RGS7: variants seen among roughly 807,000 people sequenced by gnomAD.
RGS7 encodes the protein regulator of G protein signaling 7.
A neutral mutation model predicts 81.1 loss-of-function variants in RGS7; 27 were observed. That is an observed-to-expected ratio of 0.33 (90% CI 0.25 to 0.46). The LOEUF (loss-of-function observed/expected upper bound fraction) is 0.46, where lower values mean the gene tolerates loss of function less well. Ranked by LOEUF, RGS7 falls within the 20% of genes least tolerant of loss-of-function variation. RGS7 has a pLI of 1.00. For synonymous variants in RGS7, 208 were observed against 207.7 expected, an observed-to-expected ratio of 1.00 and a Z score of -0.01; for missense variants, 396 against 607.4, an observed-to-expected ratio of 0.65 and a Z score of 3.66.
chr1:241,115,716 T>C (rs567646367), intron 2 of RGS7, among the ~76,000 whole-genome samples: 6 of 152,314 alleles, frequency 3.9e-5, no homozygotes, highest in South Asian at 2.1e-4. Flanking sequence ...CTTGTCTTTC[T>C]AGTTGATGTT....
chr1:241,291,767 G>C (rs2079103877), intron 2 of RGS7, among the ~76,000 whole-genome samples: 1 of 151,746 alleles, frequency 6.6e-6, no homozygotes, highest in South Asian at 2.1e-4. Flanking sequence ...GTAGAGACAG[G>C]GTTTTGCCAT....
At chr1:241,318,778 TC>T (rs2148594863) in intron 2 of RGS7, among the ~76,000 whole-genome samples, 1 of 152,252 alleles carries the variant, frequency 6.6e-6, no homozygotes, top group African/African-American at 2.4e-5. Context: ...GCCCAGACTA[TC>T]CTGAGAATTT....
intron 3 of RGS7, among the ~76,000 whole-genome samples, chr1:241,019,710 C>T (rs1027640170): frequency 6.6e-6 from 1 of 152,184 alleles, no homozygotes; most frequent in Non-Finnish European, 1.5e-5. Context: ...TGGCTGCATA[C>T]TATTCTATGG....
At chr1:241,103,560 T>C (rs974260296) in intron 2 of RGS7, among the ~76,000 whole-genome samples, 1 of 152,088 alleles carries the variant, frequency 6.6e-6, no homozygotes, top group African/African-American at 2.4e-5. Flanking sequence ...TACAGACAAA[T>C]AGATGAAGCT....
intron 2 of RGS7, among the ~76,000 whole-genome samples, chr1:241,337,823 C>T (rs541792129): frequency 7.9e-5 from 12 of 152,296 alleles, no homozygotes; most frequent in African/African-American, 2.4e-4. Context: ...CTACCTTCCC[C>T]TTCAATTTGA....
At chr1:241,119,431 CA>C (rs2066092904) in intron 2 of RGS7, among the ~76,000 whole-genome samples, 1 of 152,240 alleles carries the variant, frequency 6.6e-6, no homozygotes, top group African/African-American at 2.4e-5. Context: ...GCTACTATAC[CA>C]AAACTCCACA....
intron 3 of RGS7, among the ~76,000 whole-genome samples, chr1:241,061,732 G>C (rs2061749247): frequency 6.6e-6 from 1 of 152,140 alleles, no homozygotes; most frequent in Non-Finnish European, 1.5e-5. Flanking sequence ...GAAGGTTTGG[G>C]AAGCTAGGAG....
intron 2 of RGS7, among the ~76,000 whole-genome samples, chr1:241,270,329 T>C (rs1238427632): frequency 6.6e-6 from 1 of 152,200 alleles, no homozygotes; most frequent in Non-Finnish European, 1.5e-5. Context: ...ACTAACACTA[T>C]ATTTTAAAAT....
intron 2 of RGS7, among the ~76,000 whole-genome samples, chr1:241,183,425 A>C (rs2071810129): frequency 6.6e-6 from 1 of 151,776 alleles, no homozygotes. Context: ...CAAATAACTA[A>C]ACAGGCCCTG....
chr1:241,143,134 G>A (rs150919330), intron 2 of RGS7, among the ~76,000 whole-genome samples: 19 of 152,210 alleles, frequency 1.2e-4, no homozygotes, highest in South Asian at 6.2e-4. Context: ...CACTATCAGC[G>A]TTTTTGTCAG....
chr1:240,811,268 T>C (rs1196447531), intron 14 of RGS7, among the ~76,000 whole-genome samples: 1 of 152,258 alleles, frequency 6.6e-6, no homozygotes, highest in Non-Finnish European at 1.5e-5. Flanking sequence ...AATAGAGCTA[T>C]TAAAATCCAC....
At chr1:241,079,337 G>A (rs2063005013) in intron 3 of RGS7, among the ~76,000 whole-genome samples, 1 of 152,184 alleles carries the variant, frequency 6.6e-6, no homozygotes, top group African/African-American at 2.4e-5. Flanking sequence ...GATTACTAAA[G>A]AGGACGCAAA....
intron 2 of RGS7, among the ~76,000 whole-genome samples, chr1:241,231,531 G>T (rs999812333): frequency 7.2e-5 from 11 of 151,822 alleles, no homozygotes; most frequent in Non-Finnish European, 1.3e-4. Context: ...GCTAATTTTT[G>T]TATTTTTAGT....
rs5782170 is a variant in RGS7, at chr1:240,960,546, C to CTT, written c.226+22531_226+22532dup. On this transcript the variant is annotated intron_variant, in intron 4 of 18. Coordinates refer to ENST00000440928, the MANE Select transcript of RGS7 (RefSeq NM_001364886.1). ...CGTGAGCCACTGTGCCTGGGCTGTT[C>CTT]TTTTTTTTTTTTTTTTTTTTTCCCA... Among the ~76,000 whole-genome samples, 691 of 113,680 alleles carry CTT rather than the reference C, an allele frequency of 6.1e-3. 9 individuals are homozygous for CTT. The highest frequency in any genetic ancestry group is 0.021 in the African/African-American group (639 of 29,964). The allele number at this position is 113,680 out of a possible 152,430, so 74.6% of individuals were successfully genotyped here. A position where few individuals can be genotyped will look rare whatever the true frequency, so the allele number is the denominator to read the frequency against.
intron 2 of RGS7, among the ~76,000 whole-genome samples, chr1:241,316,091 GT>G (rs1246502834): frequency 4.6e-5 from 7 of 152,090 alleles, no homozygotes; most frequent in Non-Finnish European, 7.4e-5. Context: ...ATTGCGGGGG[GT>G]TCTTCCCCAC....
intron 2 of RGS7, among the ~76,000 whole-genome samples, chr1:241,346,860 G>C (rs893663236): frequency 6.6e-6 from 1 of 152,242 alleles, no homozygotes; most frequent in East Asian, 1.9e-4. Flanking sequence ...TTTAGAACCA[G>C]TGACAAATGA....
At chr1:241,301,383 G>A (rs781719790) in intron 2 of RGS7, among the ~76,000 whole-genome samples, 6 of 152,202 alleles carry the variant, frequency 3.9e-5, no homozygotes, top group Non-Finnish European at 7.3e-5. Flanking sequence ...GACACTGAGG[G>A]GTTCAAATAG....
At chr1:241,302,712 T>C (rs1371100713) in intron 2 of RGS7, among the ~76,000 whole-genome samples, 6 of 152,236 alleles carry the variant, frequency 3.9e-5, no homozygotes, top group African/African-American at 9.6e-5. Flanking sequence ...AGTGTACGTA[T>C]GATTCAGTCT....
chr1:240,933,049 AT>A (rs61002891), intron 5 of RGS7, among the ~76,000 whole-genome samples: 1 of 148,190 alleles, frequency 6.7e-6, no homozygotes, highest in Non-Finnish European at 1.5e-5. Context: ...CGCCCGGCTA[AT>A]TTTTTGTATT....
Sources: allele counts gnomAD v4.1 joint callset (sites outside exome capture counted in the v4.1 genomes callset), GRCh38; gene constraint gnomAD v4.1.1; transcripts MANE v1.5; gene names NCBI Gene and HGNC (gene_info 2026-07-23, HGNC 2026-07-21).